KCNQ5: variants seen among roughly 807,000 people sequenced by gnomAD.
The protein encoded by KCNQ5 is potassium voltage-gated channel subfamily KQT member 5.
In KCNQ5, 30 loss-of-function variants were observed where a neutral mutation model predicts 98.2. The observed-to-expected ratio is 0.31, with a 90% CI of 0.23 to 0.41. KCNQ5 has a LOEUF of 0.41. Ranked by LOEUF, KCNQ5 falls within the 10% of genes least tolerant of loss-of-function variation. The pLI, the probability that KCNQ5 is intolerant of heterozygous loss-of-function variation, is 1.00. For synonymous variants in KCNQ5, 458 were observed against 449.4 expected, an observed-to-expected ratio of 1.02 and a Z score of -0.24; for missense variants, 835 against 1,182.5, an observed-to-expected ratio of 0.71 and a Z score of 4.31.
chr6:72,894,144 C>T (rs898777429), intron 1 of KCNQ5, among the ~76,000 whole-genome samples: 2 of 152,084 alleles, frequency 1.3e-5, no homozygotes, highest in Admixed American at 6.5e-5. Context: ...TTTCTGGGCC[C>T]TTTTAACATT....
At position 73,041,925 on chromosome 6, in the gene KCNQ5, T is replaced by G; in HGVS notation, c.490-11T>G. On this transcript the variant is annotated splice_polypyrimidine_tract_variant and intron_variant, in intron 2 of 13. Coordinates refer to ENST00000370398, the MANE Select transcript of KCNQ5 (RefSeq NM_019842.4). Reference sequence around the variant, plus strand: ...ATGCTTCTCTCTGATATGTCTTATCTGATATTTTAGGAGTTCGTGATGATT... The same window carrying G: ...ATGCTTCTCTCTGATATGTCTTATCGGATATTTTAGGAGTTCGTGATGATT... 1 of 1,613,738 alleles carries G rather than the reference T, an allele frequency of 6.2e-7. No homozygotes were observed. The highest frequency in any genetic ancestry group is 1.1e-5 in the South Asian group (1 of 91,074).
intron 1 of KCNQ5, among the ~76,000 whole-genome samples, chr6:72,749,733 T>C (rs1771583446): frequency 6.6e-6 from 1 of 150,586 alleles, no homozygotes; most frequent in Non-Finnish European, 1.5e-5. Flanking sequence ...TTTAAAAAAA[T>C]ATATTTTTAT....
chr6:72,828,001 A>G (rs1776075602), intron 1 of KCNQ5, among the ~76,000 whole-genome samples: 1 of 151,928 alleles, frequency 6.6e-6, no homozygotes, highest in Admixed American at 6.6e-5. Flanking sequence ...TTCTCAAATG[A>G]GTGTTCTAGG....
At chr6:73,009,780 A>G (rs1168879625) in intron 2 of KCNQ5, among the ~76,000 whole-genome samples, 1 of 152,184 alleles carries the variant, frequency 6.6e-6, no homozygotes, top group Non-Finnish European at 1.5e-5. Context: ...TCTAGATGAA[A>G]TGGACAAATT....
In KCNQ5 at chr6:73,017,600, G is replaced by A. The variant is rs561459897; in HGVS notation, c.489+13602G>A. Among the ~76,000 whole-genome samples the A allele has an allele frequency of 3.9e-5, 6 of 152,258 alleles. No homozygotes were observed. In the South Asian group the frequency reaches 1.0e-3, roughly 26 times the overall value. On this transcript the variant is annotated intron_variant, in intron 2 of 13. Coordinates refer to ENST00000370398, the MANE Select transcript of KCNQ5 (RefSeq NM_019842.4). ...AAAATTTTCCAAGCTGTAAATGGCAGCTTGACAAACAACATTACAGGCTGG... is the reference window on the plus strand; with the variant it reads ...AAAATTTTCCAAGCTGTAAATGGCAACTTGACAAACAACATTACAGGCTGG...
chr6:72,785,150 G>C (rs1773672458), intron 1 of KCNQ5, among the ~76,000 whole-genome samples: 1 of 152,076 alleles, frequency 6.6e-6, no homozygotes, highest in Admixed American at 6.6e-5. Context: ...TATCGTTGAA[G>C]ACAAACAGAA....
At chr6:73,184,895 G>A (rs949838883) in intron 11 of KCNQ5, among the ~76,000 whole-genome samples, 1 of 152,050 alleles carries the variant, frequency 6.6e-6, no homozygotes. Context: ...GGAGAGAGAA[G>A]GGGGGAATTC....
intron 1 of KCNQ5, among the ~76,000 whole-genome samples, chr6:72,834,003 T>C (rs1471104226): frequency 1.3e-5 from 2 of 152,050 alleles, no homozygotes; most frequent in Non-Finnish European, 2.9e-5. Flanking sequence ...ATACTATAAA[T>C]GGACTATGGA....
chr6:73,176,504 T>A (rs183444746), intron 11 of KCNQ5, among the ~76,000 whole-genome samples: 3 of 152,338 alleles, frequency 2.0e-5, no homozygotes, highest in African/African-American at 7.2e-5. Context: ...TTTACAGCAG[T>A]GCAAGAATGG....
chr6:73,014,186 G>C (rs1770209134), intron 2 of KCNQ5, among the ~76,000 whole-genome samples: 1 of 152,178 alleles, frequency 6.6e-6, no homozygotes, highest in Admixed American at 6.5e-5. Flanking sequence ...GAACAATACT[G>C]TCTGGAGTGC....
At chr6:73,096,520 G>A (rs1172771234) in intron 5 of KCNQ5, among the ~76,000 whole-genome samples, 2 of 152,144 alleles carry the variant, frequency 1.3e-5, no homozygotes, top group Non-Finnish European at 2.9e-5. Flanking sequence ...AACGCCTGGA[G>A]CAGTCTGATC....
At chr6:72,683,284 T>A (rs1767794843) in intron 1 of KCNQ5, among the ~76,000 whole-genome samples, 1 of 151,444 alleles carries the variant, frequency 6.6e-6, no homozygotes, top group South Asian at 2.1e-4. Context: ...GAGGGAGAAA[T>A]CAGCACACAC....
chr6:73,143,933 C>G (rs2150472713), intron 10 of KCNQ5, among the ~76,000 whole-genome samples: 1 of 152,230 alleles, frequency 6.6e-6, no homozygotes, highest in East Asian at 1.9e-4. Flanking sequence ...AGAATTTAGC[C>G]CATATTTAAG....
At chr6:73,142,865 G>C (rs1776778119) in intron 10 of KCNQ5, among the ~76,000 whole-genome samples, 1 of 152,142 alleles carries the variant, frequency 6.6e-6, no homozygotes, top group African/African-American at 2.4e-5. Context: ...GCAGTGAGCT[G>C]AGATTGCACC....
chr6:72,974,948 G>C (rs573466935), intron 1 of KCNQ5, among the ~76,000 whole-genome samples: 1 of 152,128 alleles, frequency 6.6e-6, no homozygotes, highest in East Asian at 1.9e-4. Flanking sequence ...TGTTGCCCAG[G>C]CTGGTCTCAA....
chr6:72,941,082 G>A (rs183040649), intron 1 of KCNQ5, among the ~76,000 whole-genome samples: 140 of 152,300 alleles, frequency 9.2e-4, no homozygotes, highest in South Asian at 5.0e-3. Context: ...TCATCAGACC[G>A]AAATGTTTAT....
At chr6:73,136,393 T>C (rs2150461881) in intron 10 of KCNQ5, among the ~76,000 whole-genome samples, 1 of 152,354 alleles carries the variant, frequency 6.6e-6, no homozygotes, top group East Asian at 1.9e-4. Flanking sequence ...ATCACAATAT[T>C]TTCAGTATCT....
At chr6:72,928,964 A>G (rs1186885141) in intron 1 of KCNQ5, among the ~76,000 whole-genome samples, 2 of 152,260 alleles carry the variant, frequency 1.3e-5, no homozygotes, top group East Asian at 3.9e-4. Flanking sequence ...CTGTATTTAA[A>G]GACTCACAAA....
intron 1 of KCNQ5, among the ~76,000 whole-genome samples, chr6:72,947,175 A>T (rs1766588093): frequency 6.6e-6 from 1 of 152,182 alleles, no homozygotes; most frequent in Admixed American, 6.5e-5. Flanking sequence ...GGGAAAAGGT[A>T]AACAATTTTT....
Sources: gnomAD v4.1 joint callset for allele counts (sites outside exome capture counted in the v4.1 genomes callset) on GRCh38, gnomAD v4.1.1 for gene constraint, MANE v1.5 for transcripts, NCBI Gene and HGNC (gene_info 2026-07-23, HGNC 2026-07-21) for gene names.